The following AKAP13 variants were observed in gnomAD, a reference collection of about 807,000 sequenced individuals.
The protein encoded by AKAP13 is A-kinase anchoring protein 13, also known as A-kinase anchor protein 13.
A neutral mutation model predicts 264.5 loss-of-function variants in AKAP13; 80 were observed. The observed-to-expected ratio is 0.30, with a 90% CI of 0.25 to 0.36. The LOEUF (loss-of-function observed/expected upper bound fraction) is 0.36, where lower values mean the gene tolerates loss of function less well. AKAP13 is among the 10% of genes least tolerant of loss of function. The pLI is 1.00. For synonymous variants in AKAP13, 1,380 were observed against 1,250.2 expected, an observed-to-expected ratio of 1.10 and a Z score of -2.19; for missense variants, 3,712 against 3,435.2, an observed-to-expected ratio of 1.08 and a Z score of -2.01.
intron 10 of AKAP13, among the ~76,000 whole-genome samples, chr15:85,653,562 A>C (rs2082963395): frequency 6.6e-6 from 1 of 152,220 alleles, no homozygotes; most frequent in African/African-American, 2.4e-5. Context: ...GTGCTTTTGA[A>C]CTATTACATC....
intron 1 of AKAP13, among the ~76,000 whole-genome samples, chr15:85,455,775 A>C (rs2074262108): frequency 6.6e-6 from 1 of 151,982 alleles, no homozygotes; most frequent in Non-Finnish European, 1.5e-5. Context: ...TGACACCGAG[A>C]TAAAACTCAA....
chr15:85,687,969 G>C (rs1395118039), intron 16 of AKAP13, among the ~76,000 whole-genome samples: 2 of 151,100 alleles, frequency 1.3e-5, no homozygotes, highest in Non-Finnish European at 2.9e-5. Context: ...GAGCCGAGGA[G>C]TTCAAGGCTG....
In AKAP13 at chr15:85,582,025, G is replaced by A. The variant is rs116608773; in HGVS notation, c.3957G>A (p.Thr1319=). The A allele has an allele frequency of 1.3e-4, 205 of 1,614,086 alleles. No homozygotes were observed. The African/African-American group carries it at 1.5e-3, about 12-fold the overall frequency. The change falls in exon 7 of 37, where the codon ACG becomes ACA. Residue 1319 remains threonine, a synonymous_variant. Coordinates refer to ENST00000394518, the MANE Select transcript of AKAP13 (RefSeq NM_007200.5). ...LPMGSTPEEA[T]GSLAGCFAGR... ...TGGGCAGTACTCCTGAGGAAGCCAC[G>A]GGGAGCCTTGCAGGATGTTTTGCTG...
At chr15:85,714,421 T>A (rs1401552792) in intron 19 of AKAP13, among the ~76,000 whole-genome samples, 1 of 152,222 alleles carries the variant, frequency 6.6e-6, no homozygotes, top group African/African-American at 2.4e-5. Flanking sequence ...CATCTGTAGT[T>A]ACAGGTGTTA....
chr15:85,435,735 G>C (rs1596161554), intron 1 of AKAP13, among the ~76,000 whole-genome samples: 1 of 133,310 alleles, frequency 7.5e-6, no homozygotes, highest in East Asian at 2.1e-4. Context: ...AAGTGAAGGA[G>C]AAATAAAATA....
intron 29 of AKAP13, among the ~76,000 whole-genome samples, chr15:85,728,136 C>T (rs928061049): frequency 2.0e-5 from 3 of 152,112 alleles, no homozygotes; most frequent in South Asian, 2.1e-4. Flanking sequence ...CTGGTACTCA[C>T]GTATGTAGTT....
At chr15:85,662,278 A>G (rs910591197) in intron 12 of AKAP13, 6 of 1,085,900 alleles carry the variant, frequency 5.5e-6, no homozygotes, top group Non-Finnish European at 8.4e-6. Context: ...TGTTGATCGC[A>G]TAAATCCGTC....
intron 17 of AKAP13, among the ~76,000 whole-genome samples, chr15:85,698,731 G>A (rs1161646804): frequency 6.6e-6 from 1 of 151,898 alleles, no homozygotes; most frequent in African/African-American, 2.4e-5. Flanking sequence ...ATCACTTGAG[G>A]TCAGGAGTTT....
At chr15:85,467,690 T>C (rs1401599323) in intron 1 of AKAP13, among the ~76,000 whole-genome samples, 1 of 152,266 alleles carries the variant, frequency 6.6e-6, no homozygotes, top group Non-Finnish European at 1.5e-5. Context: ...GACTGTATTT[T>C]TACTGTTCTA....
At chr15:85,532,183 A>G (rs1015590788) in intron 3 of AKAP13, among the ~76,000 whole-genome samples, 2 of 152,224 alleles carry the variant, frequency 1.3e-5, no homozygotes, top group African/African-American at 4.8e-5. Context: ...CTACCACCCT[A>G]AAATTACACA....
At chr15:85,468,311 G>A (rs1596275605) in intron 1 of AKAP13, among the ~76,000 whole-genome samples, 1 of 152,218 alleles carries the variant, frequency 6.6e-6, no homozygotes, top group South Asian at 2.1e-4. Context: ...CCCTTCTAGA[G>A]GTATATTGAG....
intron 8 of AKAP13, among the ~76,000 whole-genome samples, chr15:85,613,755 C>A (rs2080814956): frequency 6.9e-6 from 1 of 143,950 alleles, no homozygotes; most frequent in East Asian, 2.1e-4. Flanking sequence ...CCAGGGGAGG[C>A]TTTTAGTGAT....
intron 1 of AKAP13, among the ~76,000 whole-genome samples, chr15:85,399,836 G>C (rs994028977): frequency 2.0e-5 from 3 of 152,202 alleles, no homozygotes; most frequent in African/African-American, 7.2e-5. Context: ...TTTGAGATAA[G>C]ATTTAGAGAT....
At position 85,575,248 on chromosome 15, in the gene AKAP13, T is replaced by C. The variant is rs1264062172; in HGVS notation, c.780T>C (p.Asp260=). The part of the protein sequence containing the change: ...LDIYTLTSES[D]SHHEHPFPGD... ...TCTATACATTAACCTCTGAGTCTGA[T>C]TCACATCATGAACACCCATTTCCTG... Residue 260 remains aspartate, a synonymous_variant, in exon 6 of 37, where the codon GAT becomes GAC. Coordinates refer to ENST00000394518, the MANE Select transcript of AKAP13 (RefSeq NM_007200.5). 2.5e-6 allele frequency: 4 copies of C among 1,614,222 alleles called. No homozygotes were observed. Among genetic ancestry groups the C allele is most frequent in the Non-Finnish European group, 3.4e-6 (4 of 1,180,028 alleles).
chr15:85,411,211 A>G (rs1459040938), intron 1 of AKAP13, among the ~76,000 whole-genome samples: 12 of 152,262 alleles, frequency 7.9e-5, no homozygotes, highest in Non-Finnish European at 4.4e-5. Flanking sequence ...GAGCTCCAGT[A>G]GTCACGGTAT....
At chr15:85,634,812 C>G (rs1312577865) in intron 8 of AKAP13, among the ~76,000 whole-genome samples, 1 of 150,804 alleles carries the variant, frequency 6.6e-6, no homozygotes, top group Admixed American at 6.6e-5. Context: ...TGGATAGAAC[C>G]ATACAATACA....
chr15:85,673,794 T>G (rs2084061176), intron 14 of AKAP13, among the ~76,000 whole-genome samples: 2 of 148,790 alleles, frequency 1.3e-5, no homozygotes, highest in Admixed American at 1.3e-4. Flanking sequence ...CATGCCATTC[T>G]CCTGCCTCAA....
intron 26 of AKAP13, among the ~76,000 whole-genome samples, chr15:85,725,294 G>A (rs2087548005): frequency 6.6e-6 from 1 of 152,034 alleles, no homozygotes; most frequent in Admixed American, 6.6e-5. Context: ...TCTTTGAAAG[G>A]GGTGGGATTG....
Position 85,736,854 on chromosome 15 carries a change from TGTG to T in AKAP13, c.7557+722_7557+724del, listed in dbSNP as rs2088558827. On this transcript the variant is annotated intron_variant, in intron 33 of 36. Transcript: ENST00000394518. ...AGGTCTGGAACATGGGCATTTAACTTGTGGGTAATTTGACACAGTAATTTCTTA... is the reference window on the plus strand; with the variant it reads ...AGGTCTGGAACATGGGCATTTAACTTGGTAATTTGACACAGTAATTTCTTA... 2.0e-5 allele frequency among the ~76,000 whole-genome samples: 3 copies of T among 151,892 alleles called. No individual in the cohort carries two copies. In the South Asian group the frequency reaches 6.2e-4, roughly 31 times the overall value.
Sources: gnomAD v4.1 joint callset for allele counts (sites outside exome capture counted in the v4.1 genomes callset) on GRCh38, gnomAD v4.1.1 for gene constraint, MANE v1.5 for transcripts, NCBI Gene and HGNC (gene_info 2026-07-23, HGNC 2026-07-21) for gene names.